The following SLC25A13 variants were observed in gnomAD, a reference collection of about 807,000 sequenced individuals.
SLC25A13 encodes electrogenic aspartate/glutamate antiporter SLC25A13, mitochondrial.
Under a neutral mutation model 85.5 loss-of-function variants are expected in SLC25A13, and 70 were observed. The ratio of observed to expected loss-of-function variants is 0.82; its 90% CI spans 0.68 to 1.00. The LOEUF (loss-of-function observed/expected upper bound fraction) is 1.00. Among genes scored for constraint, SLC25A13 ranks in the 50% least tolerant of loss-of-function variants. The pLI, the probability that SLC25A13 is intolerant of heterozygous loss-of-function variation, is 0.00. For missense variants in SLC25A13, 765 were observed against 819.8 expected, an observed-to-expected ratio of 0.93 and a Z score of 0.82; for synonymous variants, 259 against 288.7, an observed-to-expected ratio of 0.90 and a Z score of 1.04.
chr7:96,141,531 G>A (rs567988988), intron 14 of SLC25A13, among the ~76,000 whole-genome samples: 1 of 152,212 alleles, frequency 6.6e-6, no homozygotes, highest in African/African-American at 2.4e-5. Flanking sequence ...GGAGAGTCAA[G>A]AGACAAAATA....
chr7:96,133,643 G>T (rs1479485074), intron 14 of SLC25A13, among the ~76,000 whole-genome samples: 2 of 152,074 alleles, frequency 1.3e-5, no homozygotes, highest in Non-Finnish European at 2.9e-5. Context: ...ATTGTATAAG[G>T]CTAACAATAT....
chr7:96,272,314 A>AGG (rs1798273258), intron 3 of SLC25A13, among the ~76,000 whole-genome samples: 1 of 152,252 alleles, frequency 6.6e-6, no homozygotes, highest in South Asian at 2.1e-4. Flanking sequence ...GCAGAGAGAG[A>AGG]CACAAAATTT....
intron 1 of SLC25A13, among the ~76,000 whole-genome samples, chr7:96,320,135 G>T (rs13245099): frequency 0.64 from 96,636 of 151,978 alleles, 31,088 homozygotes; most frequent in Non-Finnish European, 0.67. Context: ...ATCCTGAGTA[G>T]CTGGGATTAC....
At chr7:96,178,905 T>C (rs1794322062) in intron 11 of SLC25A13, among the ~76,000 whole-genome samples, 1 of 152,210 alleles carries the variant, frequency 6.6e-6, no homozygotes, top group Admixed American at 6.5e-5. Flanking sequence ...GACAGGCTCT[T>C]TGGGCTGCTA....
chr7:96,223,875 A>G (rs1162968155), intron 4 of SLC25A13, among the ~76,000 whole-genome samples: 1 of 152,098 alleles, frequency 6.6e-6, no homozygotes, highest in Non-Finnish European at 1.5e-5. Flanking sequence ...CAACAACTTA[A>G]GAAATATCAG....
intron 11 of SLC25A13, among the ~76,000 whole-genome samples, chr7:96,178,557 T>C (rs1794310450): frequency 6.6e-6 from 1 of 152,186 alleles, no homozygotes; most frequent in African/African-American, 2.4e-5. Flanking sequence ...AGTTTCCACC[T>C]GGTAGCAACC....
At chr7:96,144,291 A>T (rs1327289862) in intron 14 of SLC25A13, among the ~76,000 whole-genome samples, 1 of 152,154 alleles carries the variant, frequency 6.6e-6, no homozygotes, top group Non-Finnish European at 1.5e-5. Context: ...GACTGAAAGG[A>T]GACCAAACCA....
intron 13 of SLC25A13, among the ~76,000 whole-genome samples, chr7:96,150,584 G>A (rs1464754082): frequency 1.3e-5 from 2 of 152,020 alleles, no homozygotes; most frequent in African/African-American, 4.8e-5. Context: ...GAGAAATTAA[G>A]TTAAAAAGAG....
At chr7:96,156,607 G>A (rs947412055) in intron 13 of SLC25A13, among the ~76,000 whole-genome samples, 35 of 152,170 alleles carry the variant, frequency 2.3e-4, no homozygotes, top group African/African-American at 7.2e-4. Flanking sequence ...ACCCGTCACC[G>A]CGCCTGGCTA....
chr7:96,309,489 G>C (rs1256092772), intron 1 of SLC25A13: 1 of 152,170 alleles, frequency 6.6e-6, no homozygotes, highest in Non-Finnish European at 1.5e-5. Flanking sequence ...GGGATGGAGA[G>C]GATTGAGCAA....
At chr7:96,139,019 C>T (rs1261927360) in intron 14 of SLC25A13, among the ~76,000 whole-genome samples, 2 of 152,134 alleles carry the variant, frequency 1.3e-5, no homozygotes, top group African/African-American at 4.8e-5. Context: ...GGTATTCCTG[C>T]AAGAATCCCT....
chr7:96,199,978 C>T lies in SLC25A13; in HGVS notation c.469-6795G>A, dbSNP rs540859680. Among the ~76,000 whole-genome samples, 4 of 151,872 alleles carry T rather than the reference C, an allele frequency of 2.6e-5. No individual in the cohort carries two copies. In the South Asian group the frequency reaches 8.3e-4, roughly 32 times the overall value. On this transcript the variant is annotated intron_variant, in intron 5 of 17. Transcript: ENST00000265631. Reference sequence around the variant, plus strand: ...GCAAGTTTGTGCTTTAGCCTGAGAACAATTTATCAGGAACAACAACAACAA... The same window carrying T: ...GCAAGTTTGTGCTTTAGCCTGAGAATAATTTATCAGGAACAACAACAACAA...
chr7:96,138,797 G>C (rs932540606), intron 14 of SLC25A13, among the ~76,000 whole-genome samples: 1 of 152,148 alleles, frequency 6.6e-6, no homozygotes, highest in East Asian at 1.9e-4. Context: ...TAAAAAAATT[G>C]ATCATTTGCT....
intron 15 of SLC25A13, among the ~76,000 whole-genome samples, chr7:96,129,007 G>A (rs2116413639): frequency 7.3e-6 from 1 of 136,952 alleles, no homozygotes; most frequent in East Asian, 2.2e-4. Flanking sequence ...GGAATCTACT[G>A]CCATGTTGTG....
At chr7:96,155,097 G>A (rs1793208672) in intron 13 of SLC25A13, among the ~76,000 whole-genome samples, 1 of 152,070 alleles carries the variant, frequency 6.6e-6, no homozygotes, top group Non-Finnish European at 1.5e-5. Context: ...ACTGTACCAG[G>A]CCCAGCTTCT....
intron 1 of SLC25A13, among the ~76,000 whole-genome samples, chr7:96,308,421 A>G (rs573020416): frequency 7.2e-5 from 11 of 152,334 alleles, no homozygotes; most frequent in East Asian, 3.9e-4. Context: ...CTGAACCAGC[A>G]GATTCAGGCT....
At chr7:96,217,921 A>C in intron 4 of SLC25A13, among the ~76,000 whole-genome samples, 1 of 149,746 alleles carries the variant, frequency 6.7e-6, no homozygotes, top group East Asian at 1.9e-4. Context: ...AACAAAAAAC[A>C]CCTAGAACTG....
In SLC25A13 at chr7:96,120,829, A is replaced by T. The variant is rs1276626607; in HGVS notation, c.*362T>A. The T allele has an allele frequency of 2.1e-6, 1 of 467,856 alleles. No homozygotes were observed. Among genetic ancestry groups the T allele is most frequent in the Non-Finnish European group, 4.2e-6 (1 of 236,192 alleles). 29.0% of individuals were successfully genotyped at this position (467,856 alleles called of 1,614,324 possible). ...ACACACACGAAACACTGCTCTGAGC[A>T]CCATGATTGCCTTACAGTAGCCTCT... On this transcript the variant is annotated 3_prime_UTR_variant, in exon 18 of 18. Transcript: ENST00000265631.
intron 2 of SLC25A13, among the ~76,000 whole-genome samples, chr7:96,281,315 C>T (rs540408091): frequency 1.3e-5 from 2 of 149,880 alleles, no homozygotes; most frequent in African/African-American, 2.4e-5. Context: ...CGCTTGAACC[C>T]GGGAGGCAGA....
Sources: allele counts gnomAD v4.1 joint callset (sites outside exome capture counted in the v4.1 genomes callset), GRCh38; gene constraint gnomAD v4.1.1; transcripts MANE v1.5; gene names NCBI Gene and HGNC (gene_info 2026-07-23, HGNC 2026-07-21).